Variants in PLXDC2 observed in about 807,000 individuals in gnomAD.
PLXDC2 encodes plexin domain containing 2, also known as plexin domain-containing protein 2.
PLXDC2 carries 40 observed loss-of-function variants against 68.9 expected under a neutral mutation model. The observed-to-expected ratio is 0.58, with a 90% CI of 0.45 to 0.76. The LOEUF is 0.76. Ranked by LOEUF, PLXDC2 falls within the 30% of genes least tolerant of loss-of-function variation. The pLI, the probability that PLXDC2 is intolerant of heterozygous loss-of-function variation, is 0.00. For missense variants in PLXDC2, 644 were observed against 661.9 expected, an observed-to-expected ratio of 0.97 and a Z score of 0.30; for synonymous variants, 243 against 234.2, an observed-to-expected ratio of 1.04 and a Z score of -0.34.
At chr10:20,081,443 C>T (rs1262246652) in intron 4 of PLXDC2, among the ~76,000 whole-genome samples, 1 of 151,588 alleles carries the variant, frequency 6.6e-6, no homozygotes, top group Non-Finnish European at 1.5e-5. Context: ...AAAAGCAGAA[C>T]AGAACATCAG....
At chr10:20,067,484 G>A (rs1397941478) in intron 3 of PLXDC2, among the ~76,000 whole-genome samples, 3 of 152,020 alleles carry the variant, frequency 2.0e-5, no homozygotes, top group African/African-American at 7.2e-5. Flanking sequence ...TCAGGAGTTC[G>A]AGACCAGCCC....
At chr10:20,127,690 T>C (rs1333443424) in intron 4 of PLXDC2, among the ~76,000 whole-genome samples, 5 of 152,052 alleles carry the variant, frequency 3.3e-5, no homozygotes, top group African/African-American at 1.2e-4. Context: ...TTTAAGTCCT[T>C]AGAAAAGAAA....
At chr10:20,134,788 C>A (rs1238423095) in intron 4 of PLXDC2, among the ~76,000 whole-genome samples, 1 of 152,040 alleles carries the variant, frequency 6.6e-6, no homozygotes, top group Non-Finnish European at 1.5e-5. Flanking sequence ...AAGTGTTGGC[C>A]TGGTTTTGGG....
intron 13 of PLXDC2, among the ~76,000 whole-genome samples, chr10:20,266,390 A>G: frequency 6.6e-6 from 1 of 152,008 alleles, no homozygotes; most frequent in Non-Finnish European, 1.5e-5. Flanking sequence ...AATGACAGAA[A>G]ATGATACAAG....
intron 3 of PLXDC2, among the ~76,000 whole-genome samples, chr10:20,059,384 T>C (rs1836058615): frequency 6.6e-6 from 1 of 152,208 alleles, no homozygotes; most frequent in Non-Finnish European, 1.5e-5. Context: ...CTGGGAACCA[T>C]GCAGTGAGAG....
At chr10:19,915,657 T>C (rs1833352015) in intron 1 of PLXDC2, among the ~76,000 whole-genome samples, 1 of 152,128 alleles carries the variant, frequency 6.6e-6, no homozygotes. Flanking sequence ...GGTCACTAAG[T>C]CGTTTCTTCC....
chr10:20,158,431 A>G (rs114996253), intron 6 of PLXDC2, among the ~76,000 whole-genome samples: 2 of 151,152 alleles, frequency 1.3e-5, no homozygotes, highest in Admixed American at 6.6e-5. Flanking sequence ...GCACACACAT[A>G]ATGTCTTTGT....
At chr10:20,205,649 A>G (rs549422321) in intron 9 of PLXDC2, among the ~76,000 whole-genome samples, 20 of 152,220 alleles carry the variant, frequency 1.3e-4, no homozygotes, top group African/African-American at 2.9e-4. Context: ...TCATTTTTCT[A>G]TGATAGTCAG....
chr10:19,839,317 G>A (rs1281501365), intron 1 of PLXDC2, among the ~76,000 whole-genome samples: 3 of 152,112 alleles, frequency 2.0e-5, no homozygotes, highest in East Asian at 3.9e-4. Context: ...TTTGAATGCA[G>A]CCCAACACAA....
At chr10:20,185,160 GAAAAAAAAAA>G (rs11307851) in intron 9 of PLXDC2, among the ~76,000 whole-genome samples, 1 of 55,992 alleles carries the variant, frequency 1.8e-5, no homozygotes. Context: ...GAACTGAAAG[GAAAAAAAAAA>G]AAAAAAAAAA....
intron 2 of PLXDC2, among the ~76,000 whole-genome samples, chr10:20,013,180 C>G (rs1205115891): frequency 1.3e-5 from 2 of 152,128 alleles, no homozygotes; most frequent in African/African-American, 2.4e-5. Flanking sequence ...ATCTATCTAC[C>G]TACATACCTA....
At chr10:20,176,965 G>C in intron 7 of PLXDC2, 34 bp from the exon 8 acceptor site, 1 of 1,475,758 alleles carries the variant, frequency 6.8e-7, no homozygotes, top group Non-Finnish European at 9.4e-7. Context: ...GCGAGGAAAG[G>C]TTAAAAATTG....
intron 10 of PLXDC2, among the ~76,000 whole-genome samples, chr10:20,214,227 T>G (rs2131860215): frequency 6.6e-6 from 1 of 152,296 alleles, no homozygotes; most frequent in South Asian, 2.1e-4. Context: ...TTATCTAAAA[T>G]TTTGGTGATC....
intron 4 of PLXDC2, among the ~76,000 whole-genome samples, chr10:20,132,069 T>C (rs941601044): frequency 6.6e-6 from 1 of 152,208 alleles, no homozygotes; most frequent in Admixed American, 6.5e-5. Context: ...TCTCAAGATA[T>C]CTTTTAAGAT....
chr10:20,277,404 G>A (rs1361245838), intron 13 of PLXDC2, among the ~76,000 whole-genome samples: 1 of 151,896 alleles, frequency 6.6e-6, no homozygotes, highest in African/African-American at 2.4e-5. Context: ...CAACACAGAA[G>A]GTTCTCTTTA....
chr10:19,993,041 A>C (rs917896368), intron 1 of PLXDC2, among the ~76,000 whole-genome samples: 4 of 152,092 alleles, frequency 2.6e-5, no homozygotes, highest in Non-Finnish European at 5.9e-5. Flanking sequence ...CTTCTCACAT[A>C]CGTCAATTCC....
chr10:20,110,781 A>T (rs191585016), intron 4 of PLXDC2, among the ~76,000 whole-genome samples: 2 of 152,148 alleles, frequency 1.3e-5, no homozygotes, highest in Non-Finnish European at 2.9e-5. Flanking sequence ...TTTTTCTCCC[A>T]GTTTTTCAGG....
intron 1 of PLXDC2, among the ~76,000 whole-genome samples, chr10:19,821,526 C>G (rs61553951): frequency 6.6e-6 from 1 of 152,154 alleles, no homozygotes; most frequent in Non-Finnish European, 1.5e-5. Flanking sequence ...ACCATACATT[C>G]CTGAGGTCAG....
chr10:20,208,910 G>A (rs193018875), intron 9 of PLXDC2, among the ~76,000 whole-genome samples: 4 of 152,178 alleles, frequency 2.6e-5, no homozygotes, highest in South Asian at 2.1e-4. Flanking sequence ...CATAAAACCA[G>A]CAAGTTTTTA....
Sources: allele counts gnomAD v4.1 joint callset (sites outside exome capture counted in the v4.1 genomes callset), GRCh38; gene constraint gnomAD v4.1.1; transcripts MANE v1.5; gene names NCBI Gene and HGNC (gene_info 2026-07-23, HGNC 2026-07-21).